The following EPS8 variants were observed in gnomAD, a reference collection of about 807,000 sequenced individuals.
EPS8 encodes the protein epidermal growth factor receptor kinase substrate 8.
A neutral mutation model predicts 103.8 loss-of-function variants in EPS8; 42 were observed. The ratio of observed to expected loss-of-function variants is 0.40; its 90% confidence interval spans 0.32 to 0.52. The LOEUF (loss-of-function observed/expected upper bound fraction) is 0.52. Among genes scored for constraint, EPS8 ranks in the 20% least tolerant of loss-of-function variants. EPS8 has a pLI of 0.40. For synonymous variants in EPS8, 344 were observed against 344.6 expected, an observed-to-expected ratio of 1.00 and a Z score of 0.02; for missense variants, 969 against 1,005.1, an observed-to-expected ratio of 0.96 and a Z score of 0.49.
intron 1 of EPS8, among the ~76,000 whole-genome samples, chr12:15,723,952 C>T (rs1439351192): frequency 1.3e-5 from 2 of 152,120 alleles, no homozygotes; most frequent in Non-Finnish European, 2.9e-5. Flanking sequence ...AGTACAAAAG[C>T]ATCATTACAT....
intron 17 of EPS8, among the ~76,000 whole-genome samples, chr12:15,632,407 G>A (rs1945062994): frequency 1.3e-5 from 2 of 152,158 alleles, no homozygotes; most frequent in African/African-American, 4.8e-5. Context: ...CAGCATTTGT[G>A]CATATTCCCT....
rs1365121367 is a variant in EPS8, at chr12:15,785,583, C to T, written c.-22+3578G>A. Among the ~76,000 whole-genome samples the T allele has an allele frequency of 6.6e-6, 1 of 152,038 alleles. No homozygotes were observed. Among genetic ancestry groups the T allele is most frequent in the African/African-American group, 2.4e-5 (1 of 41,418 alleles). ...ATATGTACAGATATGTTCATATACA[C>T]ACATGTATTTCTTGCTTTGTCACAT... On this transcript the variant is annotated intron_variant, in intron 1 of 20. Coordinates refer to ENST00000281172, the MANE Select transcript of EPS8 (RefSeq NM_004447.6). This position sits in a 1 kb window ranked among gnomAD's most constrained non-coding sequence, Gnocchi z 4.9.
Position 15,751,123 on chromosome 12 carries a change from C to G in EPS8, c.-22+38038G>C, listed in dbSNP as rs768453630. Among the ~76,000 whole-genome samples the G allele has an allele frequency of 2.0e-5, 3 of 152,028 alleles. No homozygotes were observed. The highest frequency in any genetic ancestry group is 7.3e-5 in the African/African-American group (3 of 41,368). On this transcript the variant is annotated intron_variant, in intron 1 of 20. Coordinates refer to ENST00000281172, the MANE Select transcript of EPS8 (RefSeq NM_004447.6). The surrounding 1 kb of genome is among the most constrained non-coding windows in gnomAD (Gnocchi z 4.3). ...TGTAAATCCCAGCTCTTTGGGAGGA[C>G]GAGGCAGGCGGATCACTTGAGGTCA... is the stretch of plus-strand genomic sequence containing the variant.
rs1947015245 is a variant in EPS8, at chr12:15,759,011, T to C, written c.-22+30150A>G. 6.6e-6 allele frequency among the ~76,000 whole-genome samples: 1 copy of C among 152,168 alleles called. No homozygotes were observed. Among genetic ancestry groups the C allele is most frequent in the Non-Finnish European group, 1.5e-5 (1 of 68,014 alleles). On this transcript the variant is annotated intron_variant, in intron 1 of 20. Transcript: ENST00000281172. The surrounding 1 kb of genome is among the most constrained non-coding windows in gnomAD (Gnocchi z 4.9). ...GCACTCCAGCCTGGATTCTGGATTC[T>C]TCTACAGATTTTTTTTTAAAATTTT...
rs1947072012 is a variant in EPS8 at position 15,764,365 on chromosome 12, A to G, written c.-22+24796T>C. ...CACAGTGAAACCATATCAATCAGTC[A>G]AGTTAGAAGGAGCTGAATGACAAGT... On this transcript the variant is annotated intron_variant, in intron 1 of 20. Coordinates refer to ENST00000281172, the MANE Select transcript of EPS8 (RefSeq NM_004447.6). The surrounding 1 kb of genome is among the most constrained non-coding windows in gnomAD (Gnocchi z 4.1). Among the ~76,000 whole-genome samples the G allele has an allele frequency of 2.0e-5, 3 of 152,214 alleles. No homozygotes were observed. The highest frequency in any genetic ancestry group is 2.9e-5 in the Non-Finnish European group (2 of 68,034).
rs1423785186 is a variant in EPS8, at chr12:15,736,950, T to A, written c.-22+52211A>T. Among the ~76,000 whole-genome samples the A allele has an allele frequency of 6.6e-6, 1 of 152,314 alleles. No homozygotes were observed. The highest frequency in any genetic ancestry group is 2.1e-4 in the South Asian group (1 of 4,828). ...TACTTAAAAAAATAAAATCTTCATA[T>A]TTAAAGTAACATACTTTAATTCATG... On this transcript the variant is annotated intron_variant, in intron 1 of 20. Transcript: ENST00000281172. This position sits in a 1 kb window ranked among gnomAD's most constrained non-coding sequence, Gnocchi z 4.2.
chr12:15,779,733 T>G lies in EPS8; in HGVS notation c.-22+9428A>C, dbSNP rs530211829. On this transcript the variant is annotated intron_variant, in intron 1 of 20. Coordinates refer to ENST00000281172, the MANE Select transcript of EPS8 (RefSeq NM_004447.6). The surrounding 1 kb of genome is among the most constrained non-coding windows in gnomAD (Gnocchi z 4.3). ...TATCAATCTTTTTTCTCACTATTTT[T>G]TCTTTCTCTTTTTCTTCTCCCCTTA... is the stretch of plus-strand genomic sequence containing the variant. 6.6e-6 allele frequency among the ~76,000 whole-genome samples: 1 copy of G among 152,332 alleles called. No individual in the cohort carries two copies. Among genetic ancestry groups the G allele is most frequent in the South Asian group, 2.1e-4 (1 of 4,832 alleles).
intron 1 of EPS8, among the ~76,000 whole-genome samples, chr12:15,705,526 C>T (rs374226044): frequency 3.3e-5 from 5 of 152,148 alleles, no homozygotes; most frequent in Middle Eastern, 3.4e-3. Flanking sequence ...CAAATTTTAA[C>T]GGCAATTGGA....
At chr12:15,666,390 G>T in intron 7 of EPS8, 50 bp downstream of exon 7, 1 of 1,386,410 alleles carries the variant, frequency 7.2e-7, no homozygotes, top group Non-Finnish European at 1.0e-6. Flanking sequence ...GGGGAAAAAA[G>T]CCTTAGAAAC....
rs1281472963 is a variant in EPS8 at position 15,697,431 on chromosome 12, G to A, written c.-21-14459C>T. Among the ~76,000 whole-genome samples, 1 of 152,174 alleles carries A rather than the reference G, an allele frequency of 6.6e-6. No individual in the cohort carries two copies. The highest frequency in any genetic ancestry group is 2.4e-5 in the African/African-American group (1 of 41,438). On this transcript the variant is annotated intron_variant, in intron 1 of 20. Transcript: ENST00000281172. The surrounding 1 kb of genome is among the most constrained non-coding windows in gnomAD (Gnocchi z 5.6). ...GCAATGGCTCACATCTAGAAAACAC[G>A]GCATAGCAGGCACTGCTTTACATGT... is the stretch of plus-strand genomic sequence containing the variant.
At position 15,650,813 on chromosome 12, in the gene EPS8, A is replaced by G. The variant is rs1945399755; in HGVS notation, c.1434+10T>C. On this transcript the variant is annotated intron_variant, in intron 14 of 20. Coordinates refer to ENST00000281172, the MANE Select transcript of EPS8 (RefSeq NM_004447.6). ...CTGTCTACAGAGGGCAATGTTAAAA[A>G]AAAAACTACCTCTGTGGATAATCTT... 1 of 1,611,302 alleles carries G rather than the reference A, an allele frequency of 6.2e-7. No homozygotes were observed. The highest frequency in any genetic ancestry group is 2.2e-5 in the East Asian group (1 of 44,878).
rs138455166 is a variant in EPS8 at position 15,641,817 on chromosome 12, G to C, written c.1582C>G (p.Leu528Val). 1 of 1,569,102 alleles carries C rather than the reference G, an allele frequency of 6.4e-7. No individual in the cohort carries two copies. Among genetic ancestry groups the C allele is most frequent in the East Asian group, 2.3e-5 (1 of 43,688 alleles). Residue 528 changes from leucine (L) to valine (V), a missense_variant, in exon 16 of 21, where the codon CTC (leucine) becomes GTC (valine). Physicochemically the swap from Leu to Val is conservative, Grantham distance 32 (BLOSUM62 1). Transcript: ENST00000281172. ...NRHIDRNYEP[L>V]KTQPKKYAKS... The stretch of plus-strand genomic sequence containing the variant: ...GCATATTTCTTGGGTTGTGTTTTGA[G>C]TGGTTCATAATTTCTATAAAAAGAA...
At chr12:15,739,511 G>C (rs568987491) in intron 1 of EPS8, among the ~76,000 whole-genome samples, 1 of 152,254 alleles carries the variant, frequency 6.6e-6, no homozygotes, top group Non-Finnish European at 1.5e-5. Flanking sequence ...GAACAAAAAG[G>C]TGGAGGAAGG....
In EPS8 at chr12:15,779,186, C is replaced by T. The variant is rs1947236072; in HGVS notation, c.-22+9975G>A. 6.6e-6 allele frequency among the ~76,000 whole-genome samples: 1 copy of T among 152,150 alleles called. No homozygotes were observed. The highest frequency in any genetic ancestry group is 2.4e-5 in the African/African-American group (1 of 41,428). ...AGAGACAGGGCGTCTCTATGTTTGT[C>T]AGGCTGGTCTCGAACTCCCAAACTC... On this transcript the variant is annotated intron_variant, in intron 1 of 20. Coordinates refer to ENST00000281172, the MANE Select transcript of EPS8 (RefSeq NM_004447.6). This position sits in a 1 kb window ranked among gnomAD's most constrained non-coding sequence, Gnocchi z 4.3.
In EPS8 at chr12:15,714,908, C is replaced by T. The variant is rs750943850; in HGVS notation, c.-21-31936G>A. 1.2e-4 allele frequency among the ~76,000 whole-genome samples: 19 copies of T among 152,190 alleles called. No individual in the cohort carries two copies. The highest frequency in any genetic ancestry group is 2.5e-4 in the Non-Finnish European group (17 of 68,040). On this transcript the variant is annotated intron_variant, in intron 1 of 20. Transcript: ENST00000281172. This position sits in a 1 kb window ranked among gnomAD's most constrained non-coding sequence, Gnocchi z 4.1. ...TCCACTTTTGTTCTCTACCATCTCT[C>T]AAGCTCCTGACCACTGTATGCTGCA...
chr12:15,758,076 C>T (rs889083323), intron 1 of EPS8, among the ~76,000 whole-genome samples: 5 of 152,182 alleles, frequency 3.3e-5, no homozygotes, highest in Non-Finnish European at 5.9e-5. Flanking sequence ...GACTAAGTCC[C>T]CAGTGCCAGC....
At chr12:15,642,709 AGCAGGTAGAG>A (rs1647044439) in intron 15 of EPS8, among the ~76,000 whole-genome samples, 2 of 152,214 alleles carry the variant, frequency 1.3e-5, no homozygotes, top group Non-Finnish European at 2.9e-5. Context: ...CAAGGGAAAT[AGCAGGTAGAG>A]ACTAAAGATG....
chr12:15,648,919 C>A (rs1376244725), intron 14 of EPS8, among the ~76,000 whole-genome samples: 1 of 152,124 alleles, frequency 6.6e-6, no homozygotes, highest in Non-Finnish European at 1.5e-5. Context: ...CTGAATTACC[C>A]AAGTCTTGTT....
intron 3 of EPS8, among the ~76,000 whole-genome samples, chr12:15,672,295 A>G (rs1047061886): frequency 5.9e-5 from 9 of 152,170 alleles, no homozygotes; most frequent in Non-Finnish European, 1.3e-4. Flanking sequence ...TTTACAACAC[A>G]TATGAATTTC....
Sources: gnomAD v4.1 joint callset for allele counts (sites outside exome capture counted in the v4.1 genomes callset) on GRCh38, gnomAD v4.1.1 for gene constraint, Gnocchi (gnomAD v3.1) non-coding constraint, MANE v1.5 for transcripts, NCBI Gene and HGNC (gene_info 2026-07-23, HGNC 2026-07-21) for gene names.